Variants in C9orf85 observed in about 807,000 individuals in gnomAD.
C9orf85 encodes the protein chromosome 9 open reading frame 85.
In C9orf85, 16 loss-of-function variants were observed where a neutral mutation model predicts 14.9. That is an observed-to-expected ratio of 1.08 (90% CI 0.73 to 1.63). The LOEUF (loss-of-function observed/expected upper bound fraction) is 1.63, where lower values mean the gene tolerates loss of function less well. C9orf85 is among the 40% of genes most tolerant of loss of function. The pLI, the probability that C9orf85 is intolerant of heterozygous loss-of-function variation, is 0.00. For synonymous variants in C9orf85, 45 were observed against 56.8 expected, an observed-to-expected ratio of 0.79 and a Z score of 0.93; for missense variants, 172 against 186.1, an observed-to-expected ratio of 0.92 and a Z score of 0.44.
At chr9:71,923,520 G>A (rs760226278) in intron 1 of C9orf85, among the ~76,000 whole-genome samples, 11 of 152,038 alleles carry the variant, frequency 7.2e-5, no homozygotes, top group Non-Finnish European at 1.2e-4. Context: ...TGCCCACTTC[G>A]GCCTCCCAAA....
chr9:71,918,338 G>T (rs1827707534), intron 1 of C9orf85: 3 of 720,852 alleles, frequency 4.2e-6, no homozygotes, highest in African/African-American at 3.7e-5. Context: ...ATAAAAACAA[G>T]TTAACATTCT....
Position 71,965,725 on chromosome 9 carries a change from G to T in C9orf85, c.210-5780G>T, listed in dbSNP as rs190053612. Among the ~76,000 whole-genome samples, 61 of 152,268 alleles carry T rather than the reference G, an allele frequency of 4.0e-4. 1 individual carries two copies. In the East Asian group the frequency reaches 0.011, roughly 27 times the overall value. ...TGGGTTTACAGGCATGAGCCACTGT[G>T]CCCACCCAATAGTAGTATTTTTAAG... On this transcript the variant is annotated intron_variant, in intron 2 of 3. Transcript: ENST00000334731.
intron 1 of C9orf85, among the ~76,000 whole-genome samples, chr9:71,917,238 C>G (rs1827672550): frequency 1.3e-5 from 2 of 152,210 alleles, no homozygotes; most frequent in African/African-American, 4.8e-5. Context: ...GCCACCAATA[C>G]TAAACATTGC....
chr9:71,971,775 C>G (rs1405721404), intron 3 of C9orf85, among the ~76,000 whole-genome samples, 157 bp downstream of exon 3: 3 of 152,028 alleles, frequency 2.0e-5, no homozygotes, highest in Non-Finnish European at 4.4e-5. Context: ...AGTTCAAGAC[C>G]AGACTGGCCA....
chr9:71,969,711 A>C (rs1264760018), intron 2 of C9orf85, among the ~76,000 whole-genome samples: 2 of 152,180 alleles, frequency 1.3e-5, no homozygotes, highest in African/African-American at 4.8e-5. Context: ...ATCATGTATT[A>C]AAATAAATTT....
chr9:71,939,892 T>C (rs927773017), intron 1 of C9orf85, among the ~76,000 whole-genome samples: 2 of 152,174 alleles, frequency 1.3e-5, no homozygotes, highest in Admixed American at 6.5e-5. Context: ...TAAAAGAACA[T>C]CTACTTGGAT....
At position 71,971,504 on chromosome 9, in the gene C9orf85, G is replaced by A; in HGVS notation, c.210-1G>A. ...AGTTAACATTTTATTTTTTATTTTAGTGTTAAATGTTTACAAAAGACAGTG... is the reference window on the plus strand; with the variant it reads ...AGTTAACATTTTATTTTTTATTTTAATGTTAAATGTTTACAAAAGACAGTG... On this transcript the variant is annotated splice_acceptor_variant, in intron 2 of 3. Coordinates refer to ENST00000334731, the MANE Select transcript of C9orf85 (RefSeq NM_182505.5). LOFTEE classifies it high-confidence loss of function. 6.7e-7 allele frequency: 1 copy of A among 1,503,404 alleles called. No homozygotes were observed. Among genetic ancestry groups the A allele is most frequent in the Non-Finnish European group, 9.1e-7 (1 of 1,097,278 alleles). 93.1% of individuals were successfully genotyped at this position (1,503,404 alleles called of 1,614,324 possible).
intron 2 of C9orf85, among the ~76,000 whole-genome samples, chr9:71,963,777 G>A (rs753904022): frequency 3.3e-5 from 5 of 152,190 alleles, no homozygotes; most frequent in Non-Finnish European, 7.3e-5. Context: ...GCCTTCCTGC[G>A]GGGCAGAGCT....
At chr9:71,934,545 A>G (rs994426850) in intron 1 of C9orf85, among the ~76,000 whole-genome samples, 4 of 152,172 alleles carry the variant, frequency 2.6e-5, no homozygotes, top group African/African-American at 9.7e-5. Flanking sequence ...GAAAATGTGT[A>G]CAAATCATAT....
At chr9:71,911,942 G>GC (rs1827508078) in intron 1 of C9orf85, 106 bp downstream of exon 1, 3 of 971,674 alleles carry the variant, frequency 3.1e-6, no homozygotes, top group Non-Finnish European at 5.0e-6. Context: ...GTGGACCGCA[G>GC]CCCAGAGTTA....
At chr9:71,962,934 T>C (rs1392809597) in intron 2 of C9orf85, among the ~76,000 whole-genome samples, 1 of 152,018 alleles carries the variant, frequency 6.6e-6, no homozygotes, top group East Asian at 1.9e-4. Flanking sequence ...TGCGTGGCTA[T>C]AATCCCAGCT....
intron 1 of C9orf85, among the ~76,000 whole-genome samples, chr9:71,917,303 A>G (rs1403491119): frequency 6.6e-6 from 1 of 152,218 alleles, no homozygotes; most frequent in Non-Finnish European, 1.5e-5. Context: ...CCCCTGGAGT[A>G]TCACATGCCA....
chr9:71,942,739 C>T (rs1821969489), intron 1 of C9orf85, among the ~76,000 whole-genome samples: 1 of 152,076 alleles, frequency 6.6e-6, no homozygotes, highest in Non-Finnish European at 1.5e-5. Flanking sequence ...CCTGTCTCTA[C>T]TAAAAATACA....
chr9:71,982,632 C>CTTTT (rs56038535), intron 3 of C9orf85: 243 of 247,588 alleles, frequency 9.8e-4, no homozygotes, highest in South Asian at 1.5e-3. Context: ...TTGTATATTT[C>CTTTT]TTTTTTTTTT....
intron 3 of C9orf85, among the ~76,000 whole-genome samples, chr9:71,979,401 T>C (rs1326588033): frequency 1.3e-5 from 2 of 152,214 alleles, no homozygotes; most frequent in African/African-American, 4.8e-5. Context: ...AAATATTACT[T>C]GATACTTTTT....
At chr9:71,967,408 A>G (rs1306294572) in intron 2 of C9orf85, among the ~76,000 whole-genome samples, 1 of 152,196 alleles carries the variant, frequency 6.6e-6, no homozygotes, top group Non-Finnish European at 1.5e-5. Context: ...TACCTTGATC[A>G]CTACCTTGTG....
chr9:71,976,736 T>TC (rs1723273919), downstream of C9orf85, among the ~76,000 whole-genome samples: 1 of 151,436 alleles, frequency 6.6e-6, no homozygotes, highest in African/African-American at 2.4e-5. Flanking sequence ...GGATTTTTTT[T>TC]TTTTCAACTC....
At chr9:71,944,898 A>G (rs1346460944) in intron 1 of C9orf85, among the ~76,000 whole-genome samples, 6 of 152,152 alleles carry the variant, frequency 3.9e-5, no homozygotes. Flanking sequence ...TGCTTCACAC[A>G]TCACTCACAG....
chr9:71,958,554 G>T (rs907974284), intron 2 of C9orf85, among the ~76,000 whole-genome samples: 1 of 151,970 alleles, frequency 6.6e-6, no homozygotes, highest in Non-Finnish European at 1.5e-5. Context: ...GAGCTACCGC[G>T]CCCGGCCAGT....
Sources: allele counts gnomAD v4.1 joint callset (sites outside exome capture counted in the v4.1 genomes callset), GRCh38; gene constraint gnomAD v4.1.1; transcripts MANE v1.5; gene names NCBI Gene and HGNC (gene_info 2026-07-23, HGNC 2026-07-21).